IGFBP7: variants seen among roughly 807,000 people sequenced by gnomAD.
The protein encoded by IGFBP7 is insulin-like growth factor-binding protein 7.
A neutral mutation model predicts 29.4 loss-of-function variants in IGFBP7; 31 were observed. That is an observed-to-expected ratio of 1.05 (90% CI 0.79 to 1.42). The LOEUF (loss-of-function observed/expected upper bound fraction) is 1.42. Among genes scored for constraint, IGFBP7 ranks in the 40% most tolerant of loss-of-function variants. The pLI, the probability that IGFBP7 is intolerant of heterozygous loss-of-function variation, is 0.00. For synonymous variants in IGFBP7, 172 were observed against 174.9 expected (o/e 0.98, Z 0.13); for missense variants, 393 against 395.5 (o/e 0.99, Z 0.05).
intron 1 of IGFBP7, among the ~76,000 whole-genome samples, chr4:57,080,445 C>T (rs1725339765): frequency 6.6e-6 from 1 of 152,178 alleles, no homozygotes; most frequent in Middle Eastern, 3.2e-3. Context: ...TGCAGACACA[C>T]GAAGGGTTTT....
At position 57,040,910 on chromosome 4, in the gene IGFBP7, TG is replaced by T. The variant is rs765398170; in HGVS notation, c.498del (p.Lys167ArgfsTer13). 2.5e-6 allele frequency: 4 copies of T among 1,614,056 alleles called. No homozygotes were observed. The highest frequency in any genetic ancestry group is 4.5e-5 in the East Asian group (2 of 44,884). ...GCACCAGTGACATTCCAGATGTCCT[TG>T]GGGGGCGTCACTATGGAAGGACCTG... The part of the protein sequence containing the change: ...CEQGPSIVTP[P>X]KDIWNVTGAQ... On this transcript the variant is annotated frameshift_variant, in exon 2 of 5. Coordinates refer to ENST00000295666, the MANE Select transcript of IGFBP7 (RefSeq NM_001553.3). LOFTEE classifies it high-confidence loss of function.
chr4:57,048,419 AT>A (rs1196203745), intron 1 of IGFBP7, among the ~76,000 whole-genome samples: 1 of 152,220 alleles, frequency 6.6e-6, no homozygotes, highest in Non-Finnish European at 1.5e-5. Context: ...AGAATATTTG[AT>A]TATAATCTAG....
At chr4:57,106,828 A>T (rs1726044701) in intron 1 of IGFBP7, among the ~76,000 whole-genome samples, 1 of 152,340 alleles carries the variant, frequency 6.6e-6, no homozygotes, top group Middle Eastern at 3.4e-3. Context: ...TATATATCTT[A>T]GCTTCTTTGT....
chr4:57,069,213 A>G (rs1271341400), intron 1 of IGFBP7, among the ~76,000 whole-genome samples: 1 of 152,110 alleles, frequency 6.6e-6, no homozygotes, highest in Non-Finnish European at 1.5e-5. Flanking sequence ...CAGTAAAGAA[A>G]CTCAACTTAG....
chr4:57,063,867 T>C (rs1400901617), intron 1 of IGFBP7, among the ~76,000 whole-genome samples: 1 of 152,228 alleles, frequency 6.6e-6, no homozygotes, highest in African/African-American at 2.4e-5. Flanking sequence ...GTAAGTTAAA[T>C]ATCTATAAAA....
intron 1 of IGFBP7, among the ~76,000 whole-genome samples, chr4:57,076,027 T>G (rs760673336): frequency 6.6e-6 from 1 of 152,210 alleles, no homozygotes; most frequent in Non-Finnish European, 1.5e-5. Flanking sequence ...ACAAATACCA[T>G]GGACTTGGTG....
chr4:57,077,282 TTTATTTA>T (rs1725250984), intron 1 of IGFBP7, among the ~76,000 whole-genome samples: 1 of 152,198 alleles, frequency 6.6e-6, no homozygotes, highest in African/African-American at 2.4e-5. Flanking sequence ...GGCATATTTA[TTTATTTA>T]TTGAGACAGA....
At position 57,093,214 on chromosome 4, in the gene IGFBP7, A is replaced by G. The variant is rs189526893; in HGVS notation, c.475+16663T>C. ...AGGATATGTAAGTTTAGAATTTAAA[A>G]TCCAGGCTGGGCGCAGTGGCTCACG... is the stretch of plus-strand genomic sequence containing the variant. On this transcript the variant is annotated intron_variant, in intron 1 of 4. Transcript: ENST00000295666. Among the ~76,000 whole-genome samples, 13 of 152,364 alleles carry G rather than the reference A, an allele frequency of 8.5e-5. No individual in the cohort carries two copies. In the East Asian group the frequency reaches 2.3e-3, roughly 27 times the overall value.
chr4:57,071,649 T>C (rs1578632385), intron 1 of IGFBP7, among the ~76,000 whole-genome samples: 1 of 152,202 alleles, frequency 6.6e-6, no homozygotes, highest in Non-Finnish European at 1.5e-5. Context: ...CTGATCTCAG[T>C]TGATATCAGA....
At chr4:57,079,216 A>G (rs970584080) in intron 1 of IGFBP7, among the ~76,000 whole-genome samples, 1 of 151,862 alleles carries the variant, frequency 6.6e-6, no homozygotes, top group African/African-American at 2.4e-5. Flanking sequence ...TTGTCTTGTG[A>G]TTTCCCTTTT....
At chr4:57,035,852 T>C (rs1370462749) in intron 2 of IGFBP7, among the ~76,000 whole-genome samples, 1 of 152,232 alleles carries the variant, frequency 6.6e-6, no homozygotes, top group Admixed American at 6.5e-5. Context: ...GAAATGGCAC[T>C]TCTCCATTTC....
intron 1 of IGFBP7, among the ~76,000 whole-genome samples, chr4:57,073,416 A>G (rs933800550): frequency 1.1e-4 from 16 of 151,754 alleles, no homozygotes; most frequent in African/African-American, 3.6e-4. Flanking sequence ...ACAACATAGC[A>G]AAACCCTGTC....
At chr4:57,105,174 G>A (rs950523327) in intron 1 of IGFBP7, among the ~76,000 whole-genome samples, 7 of 152,154 alleles carry the variant, frequency 4.6e-5, no homozygotes, top group South Asian at 2.1e-4. Context: ...CCTCCCAAGC[G>A]TTCTTAGCAT....
chr4:57,035,079 ATATGAGTTT>A (rs1408515524), intron 2 of IGFBP7, among the ~76,000 whole-genome samples: 11 of 152,220 alleles, frequency 7.2e-5, no homozygotes, highest in African/African-American at 2.7e-4. Context: ...TTTCAGAATC[ATATGAGTTT>A]TATGTGTGAC....
chr4:57,092,256 C>G (rs1368512291), intron 1 of IGFBP7, among the ~76,000 whole-genome samples: 5 of 152,122 alleles, frequency 3.3e-5, no homozygotes, highest in Non-Finnish European at 7.3e-5. Context: ...TTCTTTCCTT[C>G]TCCCTGTTAT....
chr4:57,053,951 A>G (rs986636194), intron 1 of IGFBP7, among the ~76,000 whole-genome samples: 28 of 152,172 alleles, frequency 1.8e-4, no homozygotes, highest in Non-Finnish European at 4.4e-5. Context: ...AACCACGTGG[A>G]TGGTCACACC....
chr4:57,080,417 A>C (rs1443938332), intron 1 of IGFBP7, among the ~76,000 whole-genome samples: 1 of 152,264 alleles, frequency 6.6e-6, no homozygotes, highest in African/African-American at 2.4e-5. Context: ...AAGCTGATAT[A>C]TTCAAAAGAA....
At chr4:57,067,482 G>A (rs1321482344) in intron 1 of IGFBP7, among the ~76,000 whole-genome samples, 1 of 152,162 alleles carries the variant, frequency 6.6e-6, no homozygotes, top group Non-Finnish European at 1.5e-5. Flanking sequence ...ATTTGTATGA[G>A]GTATCTAAAG....
chr4:57,070,481 C>A (rs1390455291), intron 1 of IGFBP7, among the ~76,000 whole-genome samples: 1 of 152,186 alleles, frequency 6.6e-6, no homozygotes, highest in Non-Finnish European at 1.5e-5. Flanking sequence ...TGCTGAAAAT[C>A]ACACTTAACA....
Sources: gnomAD v4.1 joint callset for allele counts (sites outside exome capture counted in the v4.1 genomes callset) on GRCh38, gnomAD v4.1.1 for gene constraint, MANE v1.5 for transcripts, NCBI Gene and HGNC (gene_info 2026-07-23, HGNC 2026-07-21) for gene names.